Variants in PLAGL1 observed in about 807,000 individuals in gnomAD.
The protein encoded by PLAGL1 is zinc finger protein PLAGL1.
In PLAGL1, 1 loss-of-function variant was observed where a neutral mutation model predicts 4.6. That is an observed-to-expected ratio of 0.22 (90% CI 0.08 to 1.03). The LOEUF is 1.03. PLAGL1 is among the 50% of genes least tolerant of loss of function. The probability of loss-of-function intolerance (pLI) is 0.58; values close to 1 mark genes in which losing one functional copy is unlikely to be tolerated. For missense variants in PLAGL1, 464 were observed against 570.4 expected (o/e 0.81, Z 1.90); for synonymous variants, 240 against 237.8 (o/e 1.01, Z -0.08).
chr6:143,997,572 G>A lies in PLAGL1; in HGVS notation c.-584+10518C>T, dbSNP rs1391269582. 6.6e-6 allele frequency among the ~76,000 whole-genome samples: 1 copy of A among 152,194 alleles called. No homozygotes were observed. The highest frequency in any genetic ancestry group is 1.5e-5 in the Non-Finnish European group (1 of 68,040). ...TAAAATTCAAGAATAGACAAAACAG[G>A]GAGGCTCAGGTGGGAGGATCGCTTG... On this transcript the variant is annotated intron_variant, in intron 1 of 7. Coordinates refer to ENST00000674357, the MANE Select transcript of PLAGL1 (RefSeq NM_001317162.2). The surrounding 1 kb of genome is among the most constrained non-coding windows in gnomAD (Gnocchi z 4.6).
chr6:144,027,237 A>ACG lies in PLAGL1; in HGVS notation c.-151+37230_-151+37231insCG, dbSNP rs1191166269. 2.1e-3 allele frequency among the ~76,000 whole-genome samples: 135 copies of ACG among 64,904 alleles called. 2 individuals carry two copies. In the East Asian group the frequency reaches 0.042, roughly 20 times the overall value. 42.6% of individuals were successfully genotyped at this position (64,904 alleles called of 152,430 possible). A position where few individuals can be genotyped will look rare whatever the true frequency, so the allele number is the denominator to read the frequency against. ...AGACCCCAACTCAAAGAACGAACGA[A>ACG]AGAAAGAAAGAAAGAAAGAAAGAAA... is the stretch of plus-strand genomic sequence containing the variant. On this transcript the variant is annotated intron_variant, in intron 1 of 3. Coordinates refer to the PLAGL1 transcript ENST00000437412. The surrounding 1 kb of genome is among the most constrained non-coding windows in gnomAD (Gnocchi z 5.8).
Position 143,948,858 on chromosome 6 carries a change from C to T in PLAGL1, c.-324-398G>A, listed in dbSNP as rs1780394756. ...CTGGTCCATAAACAAAAATCACCCA[C>T]ACTTACTCAAACCACGGGCTCTTCC... On this transcript the variant is annotated intron_variant, in intron 6 of 7. Coordinates refer to ENST00000674357, the MANE Select transcript of PLAGL1 (RefSeq NM_001317162.2). This position sits in a 1 kb window ranked among gnomAD's most constrained non-coding sequence, Gnocchi z 6.0. 6.6e-6 allele frequency among the ~76,000 whole-genome samples: 1 copy of T among 152,220 alleles called. No individual in the cohort carries two copies. The highest frequency in any genetic ancestry group is 1.5e-5 in the Non-Finnish European group (1 of 68,028).
At chr6:143,976,248 A>AAT (rs1786497592) in intron 2 of PLAGL1, among the ~76,000 whole-genome samples, 1 of 149,530 alleles carries the variant, frequency 6.7e-6, no homozygotes, top group Non-Finnish European at 1.5e-5. Flanking sequence ...GTACTTCTGG[A>AAT]ATATTCCTGG....
At chr6:144,007,798 G>T (rs1460244132) in intron 1 of PLAGL1, 2 of 152,160 alleles carry the variant, frequency 1.3e-5, no homozygotes, top group African/African-American at 2.4e-5. Context: ...AGGTTAGAGC[G>T]CCAGGTTGTA....
chr6:144,018,462 C>T (rs1795722942), intron 1 of PLAGL1, among the ~76,000 whole-genome samples: 1 of 152,124 alleles, frequency 6.6e-6, no homozygotes, highest in African/African-American at 2.4e-5. Flanking sequence ...TTCCAGTGTA[C>T]ACTATGGTGA....
intron 1 of PLAGL1, among the ~76,000 whole-genome samples, chr6:144,001,823 T>C (rs1010174812): frequency 2.1e-4 from 32 of 152,152 alleles, no homozygotes; most frequent in African/African-American, 6.5e-4. Flanking sequence ...TCAGTCTAAT[T>C]GTGAGAAAAC....
At chr6:144,057,257 T>A (rs1242994794) in intron 1 of PLAGL1, among the ~76,000 whole-genome samples, 2 of 152,240 alleles carry the variant, frequency 1.3e-5, no homozygotes, top group Admixed American at 6.5e-5. Context: ...ACAAGGCACA[T>A]GGTACTTTGC....
intron 7 of PLAGL1, among the ~76,000 whole-genome samples, chr6:143,944,297 A>T (rs1779279156): frequency 1.3e-5 from 2 of 152,156 alleles, no homozygotes; most frequent in African/African-American, 4.8e-5. Flanking sequence ...GTGGAGCCAG[A>T]ATTGGGGAGG....
chr6:144,001,014 T>C (rs527282902), intron 1 of PLAGL1, among the ~76,000 whole-genome samples: 1 of 152,098 alleles, frequency 6.6e-6, no homozygotes, highest in African/African-American at 2.4e-5. Flanking sequence ...ATCATCTCAA[T>C]AGAAGCAAGG....
chr6:144,024,561 G>T (rs1020487357), intron 1 of PLAGL1, among the ~76,000 whole-genome samples: 2 of 152,138 alleles, frequency 1.3e-5, no homozygotes, highest in African/African-American at 4.8e-5. Context: ...CCATTATTGT[G>T]AGGCCTCCTT....
chr6:143,992,743 C>T (rs761655802), intron 1 of PLAGL1, among the ~76,000 whole-genome samples: 9 of 152,182 alleles, frequency 5.9e-5, no homozygotes, highest in East Asian at 1.9e-4. Flanking sequence ...CTTGGGAGGC[C>T]AAGGCAGGTG....
In PLAGL1 at chr6:143,957,597, C is replaced by T. The variant is rs543362564; in HGVS notation, c.-325+2872G>A. Among the ~76,000 whole-genome samples, 1 of 152,244 alleles carries T rather than the reference C, an allele frequency of 6.6e-6. No homozygotes were observed. The highest frequency in any genetic ancestry group is 2.4e-5 in the African/African-American group (1 of 41,550). Reference sequence around the variant, plus strand: ...TTATTTTTCCAATAAGGTTAACATTCAAGGGAAAGAAAAGCCTCTTTCTTT... The same window carrying T: ...TTATTTTTCCAATAAGGTTAACATTTAAGGGAAAGAAAAGCCTCTTTCTTT... On this transcript the variant is annotated intron_variant, in intron 6 of 7. Transcript: ENST00000674357. This position sits in a 1 kb window ranked among gnomAD's most constrained non-coding sequence, Gnocchi z 4.2.
chr6:144,025,808 G>C (rs1176502012), intron 1 of PLAGL1, among the ~76,000 whole-genome samples: 1 of 152,036 alleles, frequency 6.6e-6, no homozygotes, highest in Non-Finnish European at 1.5e-5. Context: ...CAGGAGAATC[G>C]CTTGAACCCG....
In PLAGL1 at chr6:143,993,079, C is replaced by T. The variant is rs537908782; in HGVS notation, c.-583-7905G>A. 3.3e-4 allele frequency among the ~76,000 whole-genome samples: 50 copies of T among 150,360 alleles called. No individual in the cohort carries two copies. The South Asian group carries it at 8.7e-3, about 26-fold the overall frequency. ...ATCCCAGCACTTTGGGAGGCCAAGGCGGGAGGATCATGAGGTCAGGAGTTC... is the reference window on the plus strand; with the variant it reads ...ATCCCAGCACTTTGGGAGGCCAAGGTGGGAGGATCATGAGGTCAGGAGTTC... On this transcript the variant is annotated intron_variant, in intron 1 of 7. Transcript: ENST00000674357.
rs578150802 is a variant in PLAGL1, at chr6:144,044,526, C to A, written c.-151+19942G>T. Among the ~76,000 whole-genome samples, 3 of 152,238 alleles carry A rather than the reference C, an allele frequency of 2.0e-5. No homozygotes were observed. The East Asian group carries it at 5.8e-4, about 29-fold the overall frequency. On this transcript the variant is annotated intron_variant, in intron 1 of 3. Coordinates refer to the PLAGL1 transcript ENST00000437412. ...TTAATCCTGAGTTCTAATTTGATTG[C>A]GCTGTGGTCTGAGAGACAGTTTGTT...
intron 1 of PLAGL1, among the ~76,000 whole-genome samples, chr6:143,986,727 T>C (rs760654544): frequency 2.0e-5 from 3 of 152,238 alleles, no homozygotes; most frequent in Non-Finnish European, 4.4e-5. Flanking sequence ...TCTGTGAAAC[T>C]ACACAGCACA....
At chr6:144,033,269 G>T (rs1324244018) in intron 1 of PLAGL1, among the ~76,000 whole-genome samples, 1 of 152,168 alleles carries the variant, frequency 6.6e-6, no homozygotes, top group Non-Finnish European at 1.5e-5. Context: ...GGGTCAGCTT[G>T]GACTTTTTAC....
chr6:144,030,240 G>T (rs549281097), intron 1 of PLAGL1, among the ~76,000 whole-genome samples: 1 of 108,176 alleles, frequency 9.2e-6, no homozygotes, highest in East Asian at 3.6e-4. Flanking sequence ...GGGTGACAGA[G>T]CGAGACTCCG....
At chr6:144,038,307 T>G (rs1797425788) in intron 1 of PLAGL1, among the ~76,000 whole-genome samples, 1 of 152,234 alleles carries the variant, frequency 6.6e-6, no homozygotes. Context: ...TTTGGTTAAT[T>G]TCATTGTAGA....
Sources: gnomAD v4.1 joint callset for allele counts (sites outside exome capture counted in the v4.1 genomes callset) on GRCh38, gnomAD v4.1.1 for gene constraint, Gnocchi (gnomAD v3.1) non-coding constraint, MANE v1.5 for transcripts, NCBI Gene and HGNC (gene_info 2026-07-23, HGNC 2026-07-21) for gene names.